The following MTHFD1L variants were observed in gnomAD, a reference collection of about 807,000 sequenced individuals.
MTHFD1L encodes the protein monofunctional C1-tetrahydrofolate synthase, mitochondrial.
A neutral mutation model predicts 119.5 loss-of-function variants in MTHFD1L; 81 were observed. The ratio of observed to expected loss-of-function variants is 0.68; its 90% CI spans 0.57 to 0.82. The LOEUF (loss-of-function observed/expected upper bound fraction) is 0.82, where lower values mean the gene tolerates loss of function less well. MTHFD1L is among the 40% of genes least tolerant of loss of function. The pLI is 0.00. For synonymous variants in MTHFD1L, 430 were observed against 475.2 expected, an observed-to-expected ratio of 0.90 and a Z score of 1.24; for missense variants, 1,125 against 1,253.4, an observed-to-expected ratio of 0.90 and a Z score of 1.55.
At chr6:151,055,255 C>T (rs1234659205) in intron 26 of MTHFD1L, among the ~76,000 whole-genome samples, 1 of 151,306 alleles carries the variant, frequency 6.6e-6, no homozygotes, top group African/African-American at 2.4e-5. Flanking sequence ...CAGAGGGAGA[C>T]TCCGTCTCAA....
chr6:151,016,239 G>T (rs1005823017), intron 24 of MTHFD1L, among the ~76,000 whole-genome samples: 4 of 152,194 alleles, frequency 2.6e-5, no homozygotes, highest in Admixed American at 6.5e-5. Context: ...TAGCGAACAG[G>T]ATTTGACAGC....
At chr6:151,002,467 T>G (rs1360655050) in intron 20 of MTHFD1L, among the ~76,000 whole-genome samples, 1 of 152,198 alleles carries the variant, frequency 6.6e-6, no homozygotes, top group Admixed American at 6.5e-5. Context: ...TAGAATGGTT[T>G]TTCCCCATCG....
Position 150,876,100 on chromosome 6 carries a change from C to T in MTHFD1L, c.238C>T (p.Gln80Ter). 1 of 1,605,868 alleles carries T rather than the reference C, an allele frequency of 6.2e-7. No individual in the cohort carries two copies. Among genetic ancestry groups the T allele is most frequent in the Non-Finnish European group, 8.5e-7 (1 of 1,175,142 alleles). The part of the protein sequence containing the change: ...ARDSIVREVI[Q>*]NSKEVLSLLQ... ...TCTTTCTCAATGTAGAGAAGTCATTCAGAATTCAAAAGAAGTTCTAAGTTT... is the reference window on the plus strand; with the variant it reads ...TCTTTCTCAATGTAGAGAAGTCATTTAGAATTCAAAAGAAGTTCTAAGTTT... Residue 80 changes from glutamine to a stop codon, truncating the protein, a stop_gained, in exon 2 of 28, where the codon CAG becomes TAG. Coordinates refer to ENST00000367321, the MANE Select transcript of MTHFD1L (RefSeq NM_015440.5). LOFTEE classifies it high-confidence loss of function.
chr6:150,986,522 C>T (rs766122443), intron 20 of MTHFD1L, among the ~76,000 whole-genome samples: 1 of 152,174 alleles, frequency 6.6e-6, no homozygotes, highest in Non-Finnish European at 1.5e-5. Context: ...GATCATAAGG[C>T]GTGGGTCCTA....
At position 151,026,322 on chromosome 6, in the gene MTHFD1L, CTG is replaced by C. The variant is rs1212926080; in HGVS notation, c.2587-8168_2587-8167del. Among the ~76,000 whole-genome samples the C allele has an allele frequency of 2.0e-5, 3 of 152,230 alleles. No homozygotes were observed. The East Asian group carries it at 5.8e-4, about 29-fold the overall frequency. ...TGTTGTGCCTGCTCTGTGCGAGAGA[CTG>C]TGCCACCAATATAACCACTGGTCAC... On this transcript the variant is annotated intron_variant, in intron 24 of 27. Transcript: ENST00000367321.
intron 24 of MTHFD1L, among the ~76,000 whole-genome samples, chr6:151,019,065 C>G (rs1048607038): frequency 1.3e-5 from 2 of 152,202 alleles, no homozygotes; most frequent in Admixed American, 1.3e-4. Flanking sequence ...GAAGCCAACT[C>G]AGATGGCAGG....
Position 151,057,168 on chromosome 6 carries a change from T to A in MTHFD1L, c.2847+20051T>A, listed in dbSNP as rs967371345. The A allele has an allele frequency of 9.1e-6, 9 of 984,596 alleles. No individual in the cohort carries two copies. The African/African-American group carries it at 1.4e-4, about 15-fold the overall frequency. The allele number at this position is 984,596 out of a possible 1,614,324, so 61.0% of individuals were successfully genotyped here. On this transcript the variant is annotated intron_variant, in intron 26 of 27. Coordinates refer to ENST00000367321, the MANE Select transcript of MTHFD1L (RefSeq NM_015440.5). ...CAGTGCCTGCCTTCTAACTGAATCT[T>A]GACTCTGCTCCATTATGTATTTTCC...
chr6:150,956,134 G>A (rs1325759972), intron 17 of MTHFD1L, 63 bp downstream of exon 17: 5 of 1,515,158 alleles, frequency 3.3e-6, no homozygotes, highest in Admixed American at 1.7e-5. Context: ...TGGCCTGGGA[G>A]CTCACTCTTT....
At chr6:150,953,631 T>C (rs1222005378) in intron 16 of MTHFD1L, among the ~76,000 whole-genome samples, 1 of 152,222 alleles carries the variant, frequency 6.6e-6, no homozygotes, top group African/African-American at 2.4e-5. Flanking sequence ...TCACATTTCT[T>C]ATGTATCACT....
intron 24 of MTHFD1L, among the ~76,000 whole-genome samples, chr6:151,020,190 G>T (rs574734741): frequency 3.3e-4 from 51 of 152,290 alleles, no homozygotes; most frequent in Non-Finnish European, 5.9e-4. Context: ...CCCCAGTCTT[G>T]TGGAAGGAAA....
chr6:151,023,618 C>T (rs1234096494), intron 24 of MTHFD1L, among the ~76,000 whole-genome samples: 2 of 152,046 alleles, frequency 1.3e-5, no homozygotes, highest in African/African-American at 2.4e-5. Flanking sequence ...TTTCTTTCCT[C>T]GATGGTTGAA....
intron 26 of MTHFD1L, among the ~76,000 whole-genome samples, chr6:151,088,863 T>G (rs1272873777): frequency 2.0e-5 from 3 of 152,202 alleles, no homozygotes; most frequent in Non-Finnish European, 4.4e-5. Flanking sequence ...GCACAAATCC[T>G]GCATCGCCTT....
At chr6:150,990,520 C>T (rs1341784871) in intron 20 of MTHFD1L, among the ~76,000 whole-genome samples, 1 of 151,782 alleles carries the variant, frequency 6.6e-6, no homozygotes, top group East Asian at 2.0e-4. Flanking sequence ...AGTGCAATGG[C>T]GTGATCTTAG....
intron 17 of MTHFD1L, 36 bp from the exon 18 acceptor site, chr6:150,960,239 T>A: frequency 6.3e-7 from 1 of 1,578,022 alleles, no homozygotes; most frequent in African/African-American, 1.3e-5. Flanking sequence ...CCACTGGCAC[T>A]GTCGCTGACC....
intron 26 of MTHFD1L, among the ~76,000 whole-genome samples, chr6:151,052,872 G>C (rs1789277943): frequency 6.6e-6 from 1 of 152,166 alleles, no homozygotes; most frequent in African/African-American, 2.4e-5. Context: ...GATGGATCTT[G>C]TCCTAGGTAA....
In MTHFD1L at chr6:150,927,606, G is replaced by A. The variant is rs532416598; in HGVS notation, c.1256+1311G>A. On this transcript the variant is annotated intron_variant, in intron 11 of 27. Transcript: ENST00000367321. The stretch of plus-strand genomic sequence containing the variant: ...CGAGTAGCTGGGATTACAGGCATGC[G>A]CCACCATGCCCAGCTAATTTTTGTA... Among the ~76,000 whole-genome samples, 26 of 152,012 alleles carry A rather than the reference G, an allele frequency of 1.7e-4. No homozygotes were observed. The South Asian group carries it at 2.3e-3, about 13-fold the overall frequency.
chr6:151,018,620 C>T (rs73620643), intron 24 of MTHFD1L, among the ~76,000 whole-genome samples: 9,935 of 152,212 alleles, frequency 0.065, 1,075 homozygotes, highest in African/African-American at 0.23. Flanking sequence ...GAGGTCATCA[C>T]CCTGCTCTGT....
At chr6:150,925,588 A>C (rs1789808400) in intron 10 of MTHFD1L, among the ~76,000 whole-genome samples, 1 of 152,180 alleles carries the variant, frequency 6.6e-6, no homozygotes, top group Non-Finnish European at 1.5e-5. Context: ...TTAGACTGTA[A>C]ATAGAGAGGG....
intron 24 of MTHFD1L, among the ~76,000 whole-genome samples, chr6:151,023,674 T>C (rs756163271): frequency 1.3e-5 from 2 of 152,238 alleles, no homozygotes; most frequent in Non-Finnish European, 2.9e-5. Context: ...TTATTATACT[T>C]ACACATGTCA....
Sources: gnomAD v4.1 joint callset for allele counts (sites outside exome capture counted in the v4.1 genomes callset) on GRCh38, gnomAD v4.1.1 for gene constraint, MANE v1.5 for transcripts, NCBI Gene and HGNC (gene_info 2026-07-23, HGNC 2026-07-21) for gene names.